Variants in YIPF1 observed in about 807,000 individuals in gnomAD.
YIPF1 encodes the protein Yip1 domain family member 1.
A neutral mutation model predicts 37.0 loss-of-function variants in YIPF1; 22 were observed. The observed-to-expected ratio is 0.59, with a 90% CI of 0.42 to 0.85. The LOEUF is 0.85. YIPF1 is among the 40% of genes least tolerant of loss of function. The pLI, the probability that YIPF1 is intolerant of heterozygous loss-of-function variation, is 0.00. For synonymous variants in YIPF1, 128 were observed against 131.9 expected, an observed-to-expected ratio of 0.97 and a Z score of 0.21; for missense variants, 355 against 373.1, an observed-to-expected ratio of 0.95 and a Z score of 0.40.
intron 10 of YIPF1, among the ~76,000 whole-genome samples, chr1:53,857,707 C>T (rs991433339): frequency 3.9e-5 from 6 of 152,080 alleles, no homozygotes; most frequent in Admixed American, 1.3e-4. Flanking sequence ...TCAGGCCGGG[C>T]GCGATGGCTC....
intron 10 of YIPF1, among the ~76,000 whole-genome samples, chr1:53,856,198 G>A (rs1265428169): frequency 1.3e-5 from 2 of 152,218 alleles, no homozygotes; most frequent in African/African-American, 4.8e-5. Flanking sequence ...TAACAGCCAA[G>A]TTCATAGATC....
At chr1:53,855,912 A>G (rs1247374482) in intron 10 of YIPF1, among the ~76,000 whole-genome samples, 1 of 152,142 alleles carries the variant, frequency 6.6e-6, no homozygotes, top group Non-Finnish European at 1.5e-5. Flanking sequence ...AAGCCTTCCA[A>G]TGCTCTCCTG....
rs77921454 is a variant in YIPF1 at position 53,863,626 on chromosome 1, T to A, written c.831+2574A>T. Among the ~76,000 whole-genome samples, 1,211 of 152,294 alleles carry A rather than the reference T, an allele frequency of 8.0e-3. 10 individuals are homozygous for A. The highest frequency in any genetic ancestry group is 0.028 in the African/African-American group (1,169 of 41,558). On this transcript the variant is annotated intron_variant, in intron 9 of 10. Transcript: ENST00000072644. ...TTCAGAATTACGCTCTTTTAGAAAG[T>A]TCCTGAGCAGCAAGATGGGCAGGTA...
intron 9 of YIPF1, among the ~76,000 whole-genome samples, chr1:53,864,868 A>G (rs1649976213): frequency 1.3e-5 from 2 of 152,240 alleles, no homozygotes; most frequent in South Asian, 4.1e-4. Context: ...TAAGTGCTTT[A>G]TAGATATCAT....
intron 6 of YIPF1, among the ~76,000 whole-genome samples, chr1:53,875,532 A>G (rs1650313441): frequency 6.6e-6 from 1 of 152,146 alleles, no homozygotes; most frequent in Non-Finnish European, 1.5e-5. Context: ...ACAAAAAAGT[A>G]TGTTACTCGT....
intron 8 of YIPF1, 65 bp downstream of exon 8, chr1:53,866,693 T>G (rs758502827): frequency 5.0e-5 from 76 of 1,516,914 alleles, no homozygotes; most frequent in Non-Finnish European, 6.7e-5. Context: ...GGTCAAATTC[T>G]TGGTTGAAGT....
chr1:53,885,363 G>A (rs1450628347), intron 3 of YIPF1, among the ~76,000 whole-genome samples: 1 of 152,136 alleles, frequency 6.6e-6, no homozygotes, highest in Non-Finnish European at 1.5e-5. Context: ...CTGAAGCTGG[G>A]CGTGGTGGCA....
At chr1:53,886,555 A>T (rs1413446397) in intron 3 of YIPF1, 1 of 63,800 alleles carries the variant, frequency 1.6e-5, no homozygotes, top group African/African-American at 6.1e-5. Flanking sequence ...TTCATGACCC[A>T]CCCCCCGCCA....
At chr1:53,867,367 CTTTTTTTT>C (rs57424528) in intron 7 of YIPF1, among the ~76,000 whole-genome samples, 4 of 111,582 alleles carry the variant, frequency 3.6e-5, no homozygotes, top group Admixed American at 1.9e-4. Context: ...CACTGACTTC[CTTTTTTTT>C]TTTTTTTTTT....
intron 10 of YIPF1, among the ~76,000 whole-genome samples, chr1:53,857,849 C>T (rs1006136180): frequency 5.3e-5 from 8 of 151,894 alleles, no homozygotes; most frequent in African/African-American, 1.5e-4. Flanking sequence ...GGTGTGGTGA[C>T]GGGCACCTGT....
At chr1:53,858,432 G>A (rs971771586) in intron 10 of YIPF1, among the ~76,000 whole-genome samples, 2 of 152,106 alleles carry the variant, frequency 1.3e-5, no homozygotes, top group African/African-American at 2.4e-5. Context: ...AACTACTGAC[G>A]CACTCTGAGA....
chr1:53,859,970 T>G, intron 10 of YIPF1, 86 bp downstream of exon 10: 1 of 1,358,688 alleles, frequency 7.4e-7, no homozygotes, highest in Non-Finnish European at 1.0e-6. Context: ...TCTGGCCCTC[T>G]GTGCTTAAAG....
intron 4 of YIPF1, 58 bp from the exon 5 acceptor site, chr1:53,878,780 C>T (rs922977528): frequency 7.9e-6 from 12 of 1,520,070 alleles, no homozygotes; most frequent in East Asian, 4.6e-5. Flanking sequence ...ATTCCAGCTG[C>T]GTGGGGTGCA....
In YIPF1 at chr1:53,873,886, G is replaced by A. The variant is rs76083283; in HGVS notation, c.365-2398C>T. On this transcript the variant is annotated intron_variant, in intron 6 of 10. Coordinates refer to ENST00000072644, the MANE Select transcript of YIPF1 (RefSeq NM_018982.5). ...GGTATGGGAAGATATGTATACTAAT[G>A]TGAAGACTTATCTAGCATTCTCTAG... Among the ~76,000 whole-genome samples, 1,189 of 152,188 alleles carry A rather than the reference G, an allele frequency of 7.8e-3. 10 individuals carry two copies. The highest frequency in any genetic ancestry group is 0.028 in the African/African-American group (1,147 of 41,518).
intron 9 of YIPF1, among the ~76,000 whole-genome samples, chr1:53,861,215 G>T (rs1000820757): frequency 1.3e-5 from 2 of 152,160 alleles, no homozygotes; most frequent in African/African-American, 4.8e-5. Context: ...ACTTTTAAGA[G>T]GCTTCCTCCT....
intron 10 of YIPF1, among the ~76,000 whole-genome samples, chr1:53,855,469 C>A (rs527824033): frequency 2.3e-4 from 35 of 152,242 alleles, no homozygotes; most frequent in African/African-American, 8.2e-4. Context: ...ATTTCAATAA[C>A]TTACATAGGG....
At chr1:53,881,469 A>G (rs1263968933) in intron 4 of YIPF1, among the ~76,000 whole-genome samples, 5 of 152,168 alleles carry the variant, frequency 3.3e-5, no homozygotes, top group Non-Finnish European at 7.3e-5. Flanking sequence ...CAATCTATCC[A>G]TCTAACAAAG....
intron 4 of YIPF1, among the ~76,000 whole-genome samples, chr1:53,881,244 CAAAAAAAAAA>C (rs747288925): frequency 2.1e-5 from 2 of 96,320 alleles, no homozygotes; most frequent in African/African-American, 7.9e-5. Flanking sequence ...GACTCCATCT[CAAAAAAAAAA>C]AAAAAAAGAA....
chr1:53,871,350 A>G (rs1316005557), intron 7 of YIPF1, 22 bp downstream of exon 7: 1 of 1,604,980 alleles, frequency 6.2e-7, no homozygotes, highest in South Asian at 1.1e-5. Flanking sequence ...AGCATTCCAA[A>G]TGAGTCAAGC....
Sources: allele counts gnomAD v4.1 joint callset (sites outside exome capture counted in the v4.1 genomes callset), GRCh38; gene constraint gnomAD v4.1.1; transcripts MANE v1.5; gene names NCBI Gene and HGNC (gene_info 2026-07-23, HGNC 2026-07-21).